The following BCOR variants were observed in gnomAD, a reference collection of about 807,000 sequenced individuals.
BCOR encodes the protein BCL-6 corepressor.
In BCOR, 10 loss-of-function variants were observed where a neutral mutation model predicts 86.7. The ratio of observed to expected loss-of-function variants is 0.12; its 90% CI spans 0.07 to 0.20. The LOEUF (loss-of-function observed/expected upper bound fraction) is 0.20. BCOR is among the 10% of genes least tolerant of loss of function. The pLI is 1.00. For synonymous variants in BCOR, 611 were observed against 609.0 expected, an observed-to-expected ratio of 1.00 and a Z score of -0.05; for missense variants, 1,259 against 1,452.1, an observed-to-expected ratio of 0.87 and a Z score of 2.16.
chrX:40,137,702 TG>T (rs888019138), intron 1 of BCOR, among the ~76,000 whole-genome samples: 1 of 111,926 alleles, frequency 8.9e-6, no homozygotes, highest in African/African-American at 3.2e-5. Flanking sequence ...CTTTGTCTGT[TG>T]GGGGGCCCCA....
chrX:40,091,815 G>A (rs1039734265), intron 1 of BCOR, among the ~76,000 whole-genome samples: 3 of 112,962 alleles, frequency 2.7e-5, no homozygotes, highest in African/African-American at 6.4e-5. Flanking sequence ...GCAAACAGAC[G>A]GAATCCCGTC....
chrX:40,113,052 A>G (rs2147843520), intron 1 of BCOR, among the ~76,000 whole-genome samples: 1 of 104,807 alleles, frequency 9.5e-6, no homozygotes, highest in African/African-American at 3.5e-5. Context: ...CCATTTTCCT[A>G]CATCCACCTG....
At chrX:40,140,491 A>G (rs756662978) in intron 1 of BCOR, among the ~76,000 whole-genome samples, 2 of 111,226 alleles carry the variant, frequency 1.8e-5, no homozygotes, top group South Asian at 3.8e-4. Flanking sequence ...AACAAACAAA[A>G]AAACCAAAAA....
intron 10 of BCOR, 55 bp from the exon 11 acceptor site, chrX:40,057,376 G>T: frequency 8.9e-7 from 1 of 1,124,824 alleles, no homozygotes; most frequent in Non-Finnish European, 1.2e-6. Context: ...GACCTTGTAA[G>T]GTGGACCTCT....
At chrX:40,063,190 C>T (rs778310680) in intron 8 of BCOR, 119 bp from the exon 9 acceptor site, 15 of 506,571 alleles carry the variant, frequency 3.0e-5, no homozygotes, top group African/African-American at 9.6e-5. Flanking sequence ...ATCACTGGAG[C>T]GGCTTCAGTT....
At chrX:40,052,940 G>A (rs1279298079) in intron 14 of BCOR, among the ~76,000 whole-genome samples, 1 of 111,553 alleles carries the variant, frequency 9.0e-6, no homozygotes, top group Non-Finnish European at 1.9e-5. Context: ...GTCCATCTAG[G>A]GAGGACCATC....
At chrX:40,081,308 C>G (rs1936097746) in intron 1 of BCOR, among the ~76,000 whole-genome samples, 1 of 111,891 alleles carries the variant, frequency 8.9e-6, no homozygotes, top group Admixed American at 9.4e-5. Flanking sequence ...GTCACCATTA[C>G]CTACAGCCCA....
At chrX:40,152,548 A>G (rs898215433) in intron 1 of BCOR, among the ~76,000 whole-genome samples, 2 of 112,836 alleles carry the variant, frequency 1.8e-5, no homozygotes, top group Non-Finnish European at 3.8e-5. Context: ...AGCCGCGTGC[A>G]CGCCCTCCCC....
chrX:40,129,797 G>A (rs1035582547), intron 1 of BCOR, among the ~76,000 whole-genome samples: 1 of 110,490 alleles, frequency 9.1e-6, no homozygotes, highest in Non-Finnish European at 1.9e-5. Flanking sequence ...CCCAGCAGGC[G>A]TGGGAGGCTG....
intron 1 of BCOR, among the ~76,000 whole-genome samples, chrX:40,145,890 G>A (rs1231733692): frequency 9.0e-6 from 1 of 111,690 alleles, no homozygotes; most frequent in Non-Finnish European, 1.9e-5. Flanking sequence ...GGGGAGGGTG[G>A]CTCCGGGGTC....
At chrX:40,164,936 CCTT>C (rs751292017) in intron 1 of BCOR, among the ~76,000 whole-genome samples, 1 of 112,062 alleles carries the variant, frequency 8.9e-6, no homozygotes, top group African/African-American at 3.2e-5. Flanking sequence ...ACCATTTCCT[CCTT>C]CTCTGAGCCA....
chrX:40,165,769 TTATC>T (rs35175801), intron 1 of BCOR, among the ~76,000 whole-genome samples: 39 of 111,428 alleles, frequency 3.5e-4, no homozygotes, highest in Admixed American at 7.6e-4. Context: ...GGGCATGAGA[TTATC>T]TATCTATCTA....
At chrX:40,173,092 C>T (rs756594147) in intron 1 of BCOR, among the ~76,000 whole-genome samples, 2 of 112,056 alleles carry the variant, frequency 1.8e-5, no homozygotes, top group South Asian at 7.3e-4. Context: ...TCATATTTTC[C>T]TTTGGAAGGT....
chrX:40,076,054 G>T (rs1008563565), intron 3 of BCOR, among the ~76,000 whole-genome samples: 4 of 112,210 alleles, frequency 3.6e-5, no homozygotes, highest in Non-Finnish European at 7.5e-5. Flanking sequence ...GAGGCCATGG[G>T]TCAAACTGTG....
intron 1 of BCOR, among the ~76,000 whole-genome samples, chrX:40,084,676 G>A (rs890823317): frequency 1.7e-4 from 19 of 109,674 alleles, no homozygotes; most frequent in Middle Eastern, 4.6e-3. Context: ...GGCTTTGTAG[G>A]AGTAAAACAC....
chrX:40,161,485 A>ACCGCGCCTAGCCCTGTTAG (rs1938419744), intron 1 of BCOR, among the ~76,000 whole-genome samples: 6 of 98,808 alleles, frequency 6.1e-5, no homozygotes, highest in East Asian at 3.1e-4. Flanking sequence ...GGTGTGAGCC[A>ACCGCGCCTAGCCCTGTTAG]GAAACCAGGC....
chrX:40,158,430 G>A (rs775101734), intron 1 of BCOR, among the ~76,000 whole-genome samples: 11 of 112,141 alleles, frequency 9.8e-5, no homozygotes, highest in South Asian at 3.6e-4. Context: ...CCGGGCTGCC[G>A]GGGGGCGCTC....
chrX:40,120,047 G>A (rs1937460025), intron 1 of BCOR, among the ~76,000 whole-genome samples: 1 of 101,296 alleles, frequency 9.9e-6, no homozygotes, highest in Non-Finnish European at 2.0e-5. Flanking sequence ...CACAGTTGGG[G>A]CGGGGGGAGG....
Position 40,163,012 on chromosome X carries a change from C to T in BCOR, c.-41+13995G>A, listed in dbSNP as rs370921783. Among the ~76,000 whole-genome samples, 6 of 112,007 alleles carry T rather than the reference C, an allele frequency of 5.4e-5. No individual in the cohort carries two copies. In the Admixed American group the frequency reaches 5.7e-4, roughly 11 times the overall value. ...CACTATCCATGCTGGATATTTAAAA[C>T]CACACCTCAGGGAGGGCACAAATAG... On this transcript the variant is annotated intron_variant, in intron 1 of 14. Coordinates refer to the BCOR transcript ENST00000342274.
Sources: gnomAD v4.1 joint callset for allele counts (sites outside exome capture counted in the v4.1 genomes callset) on GRCh38, gnomAD v4.1.1 for gene constraint, MANE v1.5 for transcripts, NCBI Gene and HGNC (gene_info 2026-07-23, HGNC 2026-07-21) for gene names.